The following DOCK1 variants were observed in gnomAD, a reference collection of about 807,000 sequenced individuals.
DOCK1 encodes the protein dedicator of cytokinesis protein 1.
Under a neutral mutation model 262.7 loss-of-function variants are expected in DOCK1, and 138 were observed. The observed-to-expected ratio is 0.53, with a 90% CI of 0.46 to 0.61. The LOEUF (loss-of-function observed/expected upper bound fraction) is 0.61, where lower values mean the gene tolerates loss of function less well. DOCK1 is among the 20% of genes least tolerant of loss of function. The pLI, the probability that DOCK1 is intolerant of heterozygous loss-of-function variation, is 0.00. For missense variants in DOCK1, 1,908 were observed against 2,370.7 expected (o/e 0.80, Z 4.05); for synonymous variants, 866 against 867.4 (o/e 1.00, Z 0.03).
intron 43 of DOCK1, among the ~76,000 whole-genome samples, chr10:127,413,425 C>T (rs920906444): frequency 1.6e-4 from 25 of 152,310 alleles, no homozygotes; most frequent in African/African-American, 5.0e-4. Flanking sequence ...ATAAGTGCAA[C>T]GTCTTTTGCT....
intron 27 of DOCK1, among the ~76,000 whole-genome samples, chr10:127,212,359 T>G (rs1242562520): frequency 1.3e-5 from 2 of 152,216 alleles, no homozygotes; most frequent in Non-Finnish European, 2.9e-5. Context: ...ACTTTATTTT[T>G]TGCACATGAT....
intron 38 of DOCK1, among the ~76,000 whole-genome samples, chr10:127,398,192 A>C (rs2067025840): frequency 6.6e-6 from 1 of 152,152 alleles, no homozygotes; most frequent in African/African-American, 2.4e-5. Context: ...GTCTTTGCAA[A>C]AAGTCAATCC....
rs34284692 is a variant in DOCK1, at chr10:127,394,352, TAA to T, written c.3928-8686_3928-8685del. Among the ~76,000 whole-genome samples, 700 of 132,982 alleles carry T rather than the reference TAA, an allele frequency of 5.3e-3. 1 individual carries two copies. Among genetic ancestry groups the T allele is most frequent in the Middle Eastern group, 0.016 (4 of 252 alleles). The allele number at this position is 132,982 out of a possible 152,430, so 87.2% of individuals were successfully genotyped here. On this transcript the variant is annotated intron_variant, in intron 38 of 51. Transcript: ENST00000623213. ...GTTCACACTTTGCCTTGCACCAATG[TAA>T]AAAAAAAAAAAAAAAAGCGTTTTAC... is the stretch of plus-strand genomic sequence containing the variant.
At chr10:127,145,070 A>G (rs2051670016) in intron 27 of DOCK1, among the ~76,000 whole-genome samples, 1 of 152,202 alleles carries the variant, frequency 6.6e-6, no homozygotes, top group African/African-American at 2.4e-5. Context: ...CCGTGACCAT[A>G]CTGGAGAACT....
intron 29 of DOCK1, among the ~76,000 whole-genome samples, chr10:127,313,975 T>C (rs969077108): frequency 3.3e-5 from 5 of 152,192 alleles, no homozygotes; most frequent in Non-Finnish European, 4.4e-5. Flanking sequence ...ATGCTTTGTG[T>C]GGAACGTATT....
intron 35 of DOCK1, among the ~76,000 whole-genome samples, chr10:127,377,555 A>G (rs2065569446): frequency 6.6e-6 from 1 of 152,194 alleles, no homozygotes; most frequent in South Asian, 2.1e-4. Flanking sequence ...TTAGTGGAAC[A>G]TTGTAAGTTG....
At chr10:127,421,806 A>C (rs1252746758) in intron 46 of DOCK1, among the ~76,000 whole-genome samples, 1 of 152,222 alleles carries the variant, frequency 6.6e-6, no homozygotes, top group East Asian at 1.9e-4. Flanking sequence ...TCAGAACTTC[A>C]TTCCTTTTTA....
chr10:127,359,413 C>T (rs1040222499), intron 32 of DOCK1, among the ~76,000 whole-genome samples: 2 of 152,210 alleles, frequency 1.3e-5, no homozygotes, highest in Non-Finnish European at 2.9e-5. Flanking sequence ...ACAATAAAAC[C>T]TGTTGGTGAC....
chr10:127,202,535 C>A (rs1451380438), intron 27 of DOCK1, among the ~76,000 whole-genome samples: 1 of 152,094 alleles, frequency 6.6e-6, no homozygotes, highest in Non-Finnish European at 1.5e-5. Flanking sequence ...CCTTGTTTGC[C>A]CTCCATCCCC....
intron 16 of DOCK1, among the ~76,000 whole-genome samples, chr10:127,030,838 C>T (rs1303038210): frequency 6.6e-6 from 1 of 151,592 alleles, no homozygotes; most frequent in African/African-American, 2.4e-5. Flanking sequence ...CTATCTCTGT[C>T]TCTCTGTCAC....
At chr10:127,144,059 C>T (rs1336742814) in intron 27 of DOCK1, among the ~76,000 whole-genome samples, 3 of 152,164 alleles carry the variant, frequency 2.0e-5, no homozygotes, top group Admixed American at 2.0e-4. Flanking sequence ...ACCCTCAGAA[C>T]ACCCGGTGTC....
In DOCK1 at chr10:127,125,549, C is replaced by T. The variant is rs2049896767; in HGVS notation, c.2699C>T (p.Ala900Val). 3.1e-6 allele frequency: 5 copies of T among 1,613,858 alleles called. No homozygotes were observed. The highest frequency in any genetic ancestry group is 3.4e-6 in the Non-Finnish European group (4 of 1,179,870). ...YHLERQEDLE[A>V]CCQLLSHILE... is the part of the protein sequence containing the mutation. ...CTGGAGAGACAGGAGGACCTGGAGGCCTGCTGTCAGCTGCTCAGCCACATC... is the reference window on the plus strand; with the variant it reads ...CTGGAGAGACAGGAGGACCTGGAGGTCTGCTGTCAGCTGCTCAGCCACATC... The change falls in exon 26 of 52, where the codon GCC becomes GTC. Residue 900 changes from alanine to valine, a missense_variant. Physicochemically the swap from Ala to Val is moderately conservative, Grantham distance 64. Coordinates refer to ENST00000623213, the MANE Select transcript of DOCK1 (RefSeq NM_001290223.2).
At chr10:127,402,573 C>G (rs1413915956) in intron 38 of DOCK1, 1 of 489,942 alleles carries the variant, frequency 2.0e-6, no homozygotes, top group African/African-American at 2.0e-5. Context: ...TCGAAGTCTG[C>G]CCTGTTATTT....
At chr10:127,447,036 C>T (rs987647222) in intron 50 of DOCK1, among the ~76,000 whole-genome samples, 11 of 152,170 alleles carry the variant, frequency 7.2e-5, no homozygotes, top group South Asian at 2.1e-4. Context: ...GCAGCGGAGA[C>T]GGTCCTGTGG....
chr10:127,138,725 A>G (rs1301948299), intron 27 of DOCK1, among the ~76,000 whole-genome samples: 1 of 152,232 alleles, frequency 6.6e-6, no homozygotes, highest in East Asian at 1.9e-4. Flanking sequence ...ATGGCGTGCA[A>G]GCACAGAGCC....
In DOCK1 at chr10:127,045,463, G is replaced by A. The variant is rs578072253; in HGVS notation, c.2201+2299G>A. Among the ~76,000 whole-genome samples the A allele has an allele frequency of 7.9e-5, 12 of 152,226 alleles. No individual in the cohort carries two copies. In the East Asian group the frequency reaches 1.4e-3, roughly 17 times the overall value. On this transcript the variant is annotated intron_variant, in intron 21 of 51. Coordinates refer to ENST00000623213, the MANE Select transcript of DOCK1 (RefSeq NM_001290223.2). The stretch of plus-strand genomic sequence containing the variant: ...GCTTACAGTATTCTCTGGGCCAGGC[G>A]AAATTCCAGTAATATTATCCCAGAG...
intron 29 of DOCK1, among the ~76,000 whole-genome samples, chr10:127,265,995 G>A (rs2060339297): frequency 1.3e-5 from 2 of 152,220 alleles, no homozygotes; most frequent in South Asian, 2.1e-4. Flanking sequence ...CTGAGCTGAG[G>A]GCTTGGATCA....
intron 27 of DOCK1, among the ~76,000 whole-genome samples, chr10:127,132,936 A>G (rs2050413146): frequency 6.6e-6 from 1 of 152,202 alleles, no homozygotes; most frequent in African/African-American, 2.4e-5. Context: ...ACATTGACAG[A>G]AGTGGGCATA....
At chr10:127,128,794 C>T (rs1181215336) in intron 27 of DOCK1, among the ~76,000 whole-genome samples, 2 of 152,082 alleles carry the variant, frequency 1.3e-5, no homozygotes, top group South Asian at 2.1e-4. Context: ...CACATGTACA[C>T]GTATGTTTAT....
Sources: gnomAD v4.1 joint callset for allele counts (sites outside exome capture counted in the v4.1 genomes callset) on GRCh38, gnomAD v4.1.1 for gene constraint, MANE v1.5 for transcripts, NCBI Gene and HGNC (gene_info 2026-07-23, HGNC 2026-07-21) for gene names.